Variants in TMEM14C observed in about 807,000 individuals in gnomAD.
TMEM14C encodes transmembrane protein 14C.
In TMEM14C, 13 loss-of-function variants were observed where a neutral mutation model predicts 14.8. The observed-to-expected ratio is 0.88, with a 90% confidence interval of 0.57 to 1.40. TMEM14C has a LOEUF of 1.40. TMEM14C is among the 40% of genes most tolerant of loss of function. The probability of loss-of-function intolerance (pLI) is 0.00; values close to 1 mark genes in which losing one functional copy is unlikely to be tolerated. For missense variants in TMEM14C, 142 were observed against 138.8 expected (o/e 1.02, Z -0.12); for synonymous variants, 57 against 51.3 (o/e 1.11, Z -0.48).
intron 1 of TMEM14C, 42 bp from the exon 2 acceptor site, chr6:10,724,515 TGACTGCTGGAGAG>T: frequency 1.6e-6 from 2 of 1,263,722 alleles, no homozygotes; most frequent in Non-Finnish European, 2.3e-6. Flanking sequence ...CACTTCTTTC[TGACTGCTGGAGAG>T]CTGTGCTTTT....
intron 4 of TMEM14C, among the ~76,000 whole-genome samples, chr6:10,726,272 G>C (rs1188825233): frequency 6.6e-6 from 1 of 152,172 alleles, no homozygotes; most frequent in Non-Finnish European, 1.5e-5. Flanking sequence ...AATTCTATCA[G>C]GCAAATGTAT....
At chr6:10,724,061 C>CTACT (rs1770776578) in intron 1 of TMEM14C, among the ~76,000 whole-genome samples, 1 of 152,204 alleles carries the variant, frequency 6.6e-6, no homozygotes, top group Non-Finnish European at 1.5e-5. Flanking sequence ...TCCTCTCCTA[C>CTACT]TACTGCCCTC....
chr6:10,730,623 T>C lies in TMEM14C; in HGVS notation c.296T>C (p.Met99Thr). Residue 99 changes from methionine to threonine, a missense_variant, in exon 6 of 6, where the codon ATG becomes ACG. Coordinates refer to ENST00000229563, the MANE Select transcript of TMEM14C (RefSeq NM_016462.4). Reference sequence around the variant, plus strand: ...TTGTTTCTTTTAAACAGTTTGCTGATGGTCGCCAAAGTTGGAGTTAGTATG... The same window carrying C: ...TTGTTTCTTTTAAACAGTTTGCTGACGGTCGCCAAAGTTGGAGTTAGTATG... ...AGLIAGASLL[M>T]VAKVGVSMFN... 1 of 1,612,802 alleles carries C rather than the reference T, an allele frequency of 6.2e-7. No individual in the cohort carries two copies. Among genetic ancestry groups the C allele is most frequent in the Middle Eastern group, 1.7e-4 (1 of 6,054 alleles).
chr6:10,730,576 CCTTT>C (rs1770996323), intron 5 of TMEM14C, 35 bp from the exon 6 acceptor site: 1 of 1,604,798 alleles, frequency 6.2e-7, no homozygotes, highest in Admixed American at 1.7e-5. Context: ...CCTGTTCTGT[CCTTT>C]ACCTGACATT....
At chr6:10,727,185 C>T (rs1304243763) in intron 4 of TMEM14C, among the ~76,000 whole-genome samples, 8 of 152,130 alleles carry the variant, frequency 5.3e-5, no homozygotes, top group Non-Finnish European at 8.8e-5. Context: ...TGTTTCCCTC[C>T]TCTCCAACAC....
At chr6:10,728,898 C>A in intron 5 of TMEM14C, 171 bp downstream of exon 5, 1 of 1,455,926 alleles carries the variant, frequency 6.9e-7, no homozygotes, top group South Asian at 1.3e-5. Context: ...AGTTTAATGT[C>A]AAAATGGCAT....
intron 3 of TMEM14C, among the ~76,000 whole-genome samples, chr6:10,725,244 A>T (rs574805997): frequency 1.3e-5 from 2 of 152,144 alleles, no homozygotes; most frequent in South Asian, 4.2e-4. Context: ...TTTTGGAATT[A>T]CTTGTTTTTG....
Position 10,725,985 on chromosome 6 carries a change from C to T in TMEM14C, c.176C>T (p.Pro59Leu), listed in dbSNP as rs1378816706. The change falls in exon 4 of 6, where the codon CCA becomes CTA. Residue 59 changes from proline to leucine, a missense_variant. Transcript: ENST00000229563. ...GGTGCTTACCAGCTGTCTCAGGATCCAAGGAACGTTTGGGTTTTCCTAGGT... is the reference window on the plus strand; with the variant it reads ...GGTGCTTACCAGCTGTCTCAGGATCTAAGGAACGTTTGGGTTTTCCTAGGT... ...GLGAYQLSQD[P>L]RNVWVFLATS... is the part of the protein sequence containing the mutation. 6.2e-7 allele frequency: 1 copy of T among 1,614,122 alleles called. No homozygotes were observed. Among genetic ancestry groups the T allele is most frequent in the Admixed American group, 1.7e-5 (1 of 60,026 alleles).
chr6:10,729,895 C>G (rs1287344182), intron 5 of TMEM14C, among the ~76,000 whole-genome samples: 2 of 152,158 alleles, frequency 1.3e-5, no homozygotes, highest in Admixed American at 1.3e-4. Flanking sequence ...GTCAGGAGTT[C>G]AAGACCAGTC....
intron 3 of TMEM14C, among the ~76,000 whole-genome samples, chr6:10,725,568 C>T (rs1050039740): frequency 1.3e-5 from 2 of 152,126 alleles, no homozygotes; most frequent in African/African-American, 4.8e-5. Context: ...GCTGGAGGTC[C>T]TGCCTGTACA....
intron 3 of TMEM14C, among the ~76,000 whole-genome samples, chr6:10,725,451 A>G (rs1008022851): frequency 6.6e-6 from 1 of 152,018 alleles, no homozygotes; most frequent in African/African-American, 2.4e-5. Flanking sequence ...TTTGCCCCCT[A>G]GTCCTTGCCT....
chr6:10,727,952 C>G (rs1429390366), intron 4 of TMEM14C, among the ~76,000 whole-genome samples: 2 of 152,218 alleles, frequency 1.3e-5, no homozygotes, highest in Non-Finnish European at 2.9e-5. Context: ...GGTCTGGCAC[C>G]TCTTACTCAC....
Position 10,723,230 on chromosome 6 carries a change from T to C in TMEM14C, c.-56T>C, listed in dbSNP as rs981645832. 5.3e-5 allele frequency: 8 copies of C among 152,288 alleles called. No homozygotes were observed. The highest frequency in any genetic ancestry group is 1.9e-4 in the African/African-American group (8 of 41,472). The allele number at this position is 152,288 out of a possible 1,614,324, so 9.4% of individuals were successfully genotyped here. A position where few individuals can be genotyped will look rare whatever the true frequency, so the allele number is the denominator to read the frequency against. On this transcript the variant is annotated 5_prime_UTR_variant, in exon 1 of 6. Coordinates refer to ENST00000229563, the MANE Select transcript of TMEM14C (RefSeq NM_016462.4). ...CGCGCCCTTGTAGACAGCCGGGGCC[T>C]TCGTGAGACCGGTGCGAGTATTTGG...
Position 10,728,667 on chromosome 6 carries a change from T to C in TMEM14C, c.227T>C (p.Met76Thr), listed in dbSNP as rs201712847. 1.2e-5 allele frequency: 19 copies of C among 1,614,096 alleles called. No homozygotes were observed. The highest frequency in any genetic ancestry group is 1.5e-5 in the Non-Finnish European group (18 of 1,180,042). ...LATSGTLAGI[M>T]GMRFYHSGKF... The stretch of plus-strand genomic sequence containing the variant: ...ACATCTGGTACCTTGGCTGGCATTA[T>C]GGGAATGAGGTTCTACCACTCTGGA... The change falls in exon 5 of 6, where the codon ATG becomes ACG. Residue 76 changes from methionine to threonine, a missense_variant. Coordinates refer to ENST00000229563, the MANE Select transcript of TMEM14C (RefSeq NM_016462.4).
chr6:10,726,862 C>T (rs1039419451), intron 4 of TMEM14C, among the ~76,000 whole-genome samples: 2 of 152,070 alleles, frequency 1.3e-5, no homozygotes, highest in East Asian at 1.9e-4. Flanking sequence ...GGGTTCCTTG[C>T]GGTCTCTACA....
intron 5 of TMEM14C, among the ~76,000 whole-genome samples, chr6:10,730,178 G>GATTT (rs1770985966): frequency 6.6e-6 from 1 of 152,124 alleles, no homozygotes; most frequent in African/African-American, 2.4e-5. Context: ...GAAGGTAGGG[G>GATTT]AATTTTTAAA....
Position 10,730,704 on chromosome 6 carries a change from A to G in TMEM14C, c.*38A>G. The G allele has an allele frequency of 6.4e-7, 1 of 1,560,444 alleles. No individual in the cohort carries two copies. Among genetic ancestry groups the G allele is most frequent in the Non-Finnish European group, 8.7e-7 (1 of 1,147,762 alleles). On this transcript the variant is annotated 3_prime_UTR_variant, in exon 6 of 6. Transcript: ENST00000229563. ...TCCAGCTTAGACTGATGAAGAATTAAAAATCTGCATCTTCCACTATTTTCA... is the reference window on the plus strand; with the variant it reads ...TCCAGCTTAGACTGATGAAGAATTAGAAATCTGCATCTTCCACTATTTTCA...
At position 10,725,896 on chromosome 6, in the gene TMEM14C, C is replaced by T. The variant is rs1770845934; in HGVS notation, c.98-11C>T. ...GACATTACAATGCAAGCTGTGTTTG[C>T]TTCCCTCTAGGCAGCGTGCCGTCCC... On this transcript the variant is annotated splice_polypyrimidine_tract_variant and intron_variant, in intron 3 of 5. Transcript: ENST00000229563. The T allele has an allele frequency of 1.2e-6, 2 of 1,613,058 alleles. No individual in the cohort carries two copies. Among genetic ancestry groups the T allele is most frequent in the Non-Finnish European group, 1.7e-6 (2 of 1,179,978 alleles).
intron 4 of TMEM14C, among the ~76,000 whole-genome samples, chr6:10,727,729 G>C (rs1280925794): frequency 6.6e-6 from 1 of 151,994 alleles, no homozygotes; most frequent in Non-Finnish European, 1.5e-5. Context: ...GCTGAGACTT[G>C]AGAATTGCTT....
Sources: allele counts gnomAD v4.1 joint callset (sites outside exome capture counted in the v4.1 genomes callset), GRCh38; gene constraint gnomAD v4.1.1; transcripts MANE v1.5; gene names NCBI Gene and HGNC (gene_info 2026-07-23, HGNC 2026-07-21).